The following ASS1 variants were observed in gnomAD, a reference collection of about 807,000 sequenced individuals.
ASS1 encodes argininosuccinate synthase 1, also known as argininosuccinate synthase.
In ASS1, 58 loss-of-function variants were observed where a neutral mutation model predicts 60.5. That is an observed-to-expected ratio of 0.96 (90% CI 0.78 to 1.19). ASS1 has a LOEUF of 1.19. Among genes scored for constraint, ASS1 ranks in the 50% most tolerant of loss-of-function variants. The pLI is 0.00. For synonymous variants in ASS1, 200 were observed against 206.9 expected (o/e 0.97, Z 0.29); for missense variants, 454 against 547.3 (o/e 0.83, Z 1.70).
Position 130,489,340 on chromosome 9 carries a change from C to T in ASS1, c.846C>T (p.Tyr282=), listed in dbSNP as rs549085827. 2.0e-5 allele frequency: 32 copies of T among 1,613,538 alleles called. No homozygotes were observed. The highest frequency in any genetic ancestry group is 1.1e-4 in the East Asian group (5 of 44,862). Residue 282 remains tyrosine (Y), a synonymous_variant, in exon 12 of 15, where the codon TAC becomes TAT. Coordinates refer to ENST00000352480, the MANE Select transcript of ASS1 (RefSeq NM_054012.4). The surrounding 1 kb of genome is among the most constrained non-coding windows in gnomAD (Gnocchi z 4.1). Reference sequence around the variant, plus strand: ...GCCTGGAAAAATGGCTAGGTATCTACGAGACCCCAGCAGGCACCATCCTTT... The same window carrying T: ...GCCTGGAAAAATGGCTAGGTATCTATGAGACCCCAGCAGGCACCATCCTTT... ...RFIGMKSRGI[Y]ETPAGTILYH...
At chr9:130,472,224 AGT>A (rs1564152150) in intron 8 of ASS1, among the ~76,000 whole-genome samples, 1 of 152,118 alleles carries the variant, frequency 6.6e-6, no homozygotes, top group East Asian at 1.9e-4. Context: ...AGGCGGGAAA[AGT>A]GTGCTTTTTG....
chr9:130,446,752 C>T (rs1313027059), intron 1 of ASS1, among the ~76,000 whole-genome samples: 1 of 152,196 alleles, frequency 6.6e-6, no homozygotes, highest in Non-Finnish European at 1.5e-5. Flanking sequence ...TGCTGGGAGG[C>T]CAGCCAGGTC....
At chr9:130,444,835 G>C (rs1386041314), upstream of ASS1, 1 of 152,252 alleles carries the variant, frequency 6.6e-6, no homozygotes, top group East Asian at 1.9e-4. The surrounding 1 kb of genome is among the most constrained non-coding windows in gnomAD (Gnocchi z 4.7). Flanking sequence ...TGAACGCTGA[G>C]CGGCTCCAGG....
Position 130,501,223 on chromosome 9 carries a change from G to A in ASS1, c.*202G>A. The A allele has an allele frequency of 1.6e-6, 1 of 606,984 alleles. No individual in the cohort carries two copies. Among genetic ancestry groups the A allele is most frequent in the Non-Finnish European group, 2.9e-6 (1 of 342,252 alleles). The allele number at this position is 606,984 out of a possible 1,614,324, so 37.6% of individuals were successfully genotyped here. On this transcript the variant is annotated 3_prime_UTR_variant, in exon 15 of 15. Coordinates refer to ENST00000352480, the MANE Select transcript of ASS1 (RefSeq NM_054012.4). ...AAGGGAAGGGTGGGGGGCAGCTGCG[G>A]TGGGGAGCTATAAAAATGACAATTA...
chr9:130,462,812 A>C (rs755589314), intron 4 of ASS1, among the ~76,000 whole-genome samples: 1 of 152,214 alleles, frequency 6.6e-6, no homozygotes, highest in Non-Finnish European at 1.5e-5. Context: ...GGGGCTGCTC[A>C]AAGGATTCAG....
chr9:130,451,451 C>A (rs1662611378), intron 1 of ASS1, among the ~76,000 whole-genome samples: 1 of 152,014 alleles, frequency 6.6e-6, no homozygotes, highest in African/African-American at 2.4e-5. Flanking sequence ...TGAGCCCCTC[C>A]AAACTGGGCA....
chr9:130,449,851 C>T (rs538462454), intron 1 of ASS1, among the ~76,000 whole-genome samples: 1 of 152,158 alleles, frequency 6.6e-6, no homozygotes, highest in Admixed American at 6.5e-5. Flanking sequence ...AAAAAATATG[C>T]GATTATTTTT....
chr9:130,483,362 C>T (rs1353298139), intron 11 of ASS1, among the ~76,000 whole-genome samples: 7 of 24,676 alleles, frequency 2.8e-4, no homozygotes, highest in Non-Finnish European at 3.8e-4. Context: ...GGGGCGGGGG[C>T]GGGTAGGGAG....
At chr9:130,458,713 A>G in intron 4 of ASS1, 124 bp downstream of exon 4, 8 of 1,362,954 alleles carry the variant, frequency 5.9e-6, no homozygotes, top group Non-Finnish European at 6.1e-6. Flanking sequence ...AGGCAGCTAC[A>G]TGGCTTTGTT....
intron 8 of ASS1, among the ~76,000 whole-genome samples, chr9:130,475,727 A>C (rs1845996359): frequency 6.7e-6 from 1 of 149,358 alleles, no homozygotes; most frequent in Non-Finnish European, 1.5e-5. Context: ...GCAATACGTG[A>C]ATGTGTGCAA....
intron 12 of ASS1, among the ~76,000 whole-genome samples, chr9:130,493,427 C>T (rs1406794826): frequency 1.3e-5 from 2 of 152,200 alleles, no homozygotes; most frequent in Non-Finnish European, 2.9e-5. Flanking sequence ...ATCACTTGTC[C>T]AGGTGTGGCT....
Position 130,492,155 on chromosome 9 carries a change from G to A in ASS1, c.970+2691G>A, listed in dbSNP as rs375609698. Among the ~76,000 whole-genome samples, 26 of 152,300 alleles carry A rather than the reference G, an allele frequency of 1.7e-4. No homozygotes were observed. The South Asian group carries it at 5.2e-3, about 30-fold the overall frequency. The stretch of plus-strand genomic sequence containing the variant: ...TGCGTGAAATAACTGCGAGCGCCCG[G>A]CGTGGTTTCCCAGTGTGGAGGCGCG... On this transcript the variant is annotated intron_variant, in intron 12 of 14. Transcript: ENST00000352480.
chr9:130,495,135 G>A (rs1382396262), intron 13 of ASS1, 112 bp downstream of exon 13: 3 of 1,407,776 alleles, frequency 2.1e-6, no homozygotes, highest in Admixed American at 2.0e-5. Context: ...GCAGAGCACA[G>A]AGTGATGGTC....
At chr9:130,469,908 C>T (rs1845828671) in intron 6 of ASS1, among the ~76,000 whole-genome samples, 1 of 152,076 alleles carries the variant, frequency 6.6e-6, no homozygotes, top group African/African-American at 2.4e-5. Context: ...GGCTGAGGGG[C>T]TGAAGGGGCT....
intron 9 of ASS1, 52 bp from the exon 10 acceptor site, chr9:130,479,664 C>G (rs1846116412): frequency 6.8e-7 from 1 of 1,461,686 alleles, no homozygotes; most frequent in Admixed American, 1.7e-5. Flanking sequence ...CGGGTGCAGA[C>G]TCCTCCGCTG....
At chr9:130,462,972 C>A (rs1845638702) in intron 4 of ASS1, among the ~76,000 whole-genome samples, 1 of 152,220 alleles carries the variant, frequency 6.6e-6, no homozygotes, top group African/African-American at 2.4e-5. Flanking sequence ...CCCCCTGGCC[C>A]TGGGGGCCTC....
At chr9:130,480,743 C>T (rs1846151036) in intron 11 of ASS1, among the ~76,000 whole-genome samples, 1 of 152,152 alleles carries the variant, frequency 6.6e-6, no homozygotes, top group East Asian at 1.9e-4. Flanking sequence ...GCCTGGAGGT[C>T]AGGCTGTCTT....
At position 130,464,174 on chromosome 9, in the gene ASS1, T is replaced by A. The variant is rs1159155104; in HGVS notation, c.420+7T>A. 1.2e-6 allele frequency: 2 copies of A among 1,614,094 alleles called. No individual in the cohort carries two copies. The highest frequency in any genetic ancestry group is 1.1e-5 in the South Asian group (1 of 91,078). The stretch of plus-strand genomic sequence containing the variant: ...ACTGGCCCCCCAGATAAAGGTAGGA[T>A]GTGGCTCCTCCCCTTAGCAGGGAGC... On this transcript the variant is annotated splice_region_variant and intron_variant, in intron 5 of 14. Transcript: ENST00000352480.
At chr9:130,480,800 C>G (rs954331750) in intron 11 of ASS1, among the ~76,000 whole-genome samples, 4 of 152,102 alleles carry the variant, frequency 2.6e-5, no homozygotes, top group Non-Finnish European at 5.9e-5. Flanking sequence ...CGTGCAGGCC[C>G]GATTTCGTGG....
Sources: gnomAD v4.1 joint callset for allele counts (sites outside exome capture counted in the v4.1 genomes callset) on GRCh38, gnomAD v4.1.1 for gene constraint, Gnocchi (gnomAD v3.1) non-coding constraint, MANE v1.5 for transcripts, NCBI Gene and HGNC (gene_info 2026-07-23, HGNC 2026-07-21) for gene names.